The following PPARGC1B variants were observed in gnomAD, a reference collection of about 807,000 sequenced individuals.
The protein encoded by PPARGC1B is peroxisome proliferator-activated receptor gamma coactivator 1-beta.
A neutral mutation model predicts 101.6 loss-of-function variants in PPARGC1B; 34 were observed. That is an observed-to-expected ratio of 0.33 (90% CI 0.25 to 0.45). PPARGC1B has a LOEUF of 0.45. Among genes scored for constraint, PPARGC1B ranks in the 20% least tolerant of loss-of-function variants. The pLI is 1.00. For synonymous variants in PPARGC1B, 548 were observed against 539.3 expected, an observed-to-expected ratio of 1.02 and a Z score of -0.22; for missense variants, 1,234 against 1,317.6, an observed-to-expected ratio of 0.94 and a Z score of 0.98.
Position 149,820,531 on chromosome 5 carries a change from G to T in PPARGC1B, c.177G>T (p.Gly59=). The T allele has an allele frequency of 1.9e-6, 3 of 1,614,006 alleles. No individual in the cohort carries two copies. The highest frequency in any genetic ancestry group is 2.5e-6 in the Non-Finnish European group (3 of 1,180,010). The change falls in exon 2 of 12, where the codon GGG becomes GGT. Residue 59 remains glycine (G), a synonymous_variant. Coordinates refer to ENST00000309241, the MANE Select transcript of PPARGC1B (RefSeq NM_133263.4). ...ASDFDSATCF[G]ELQWCPENSE... is the part of the protein sequence containing the mutation. ...ACTTTGACTCGGCCACCTGCTTTGG[G>T]GAGCTGCAGTGGTGCCCAGAGAACT...
intron 3 of PPARGC1B, among the ~76,000 whole-genome samples, chr5:149,828,780 C>A (rs1441959952): frequency 6.6e-6 from 1 of 152,206 alleles, no homozygotes; most frequent in Non-Finnish European, 1.5e-5. Flanking sequence ...GGCACAGTGG[C>A]TTATACCTGT....
chr5:149,773,222 T>A (rs1756213403), intron 1 of PPARGC1B, among the ~76,000 whole-genome samples: 1 of 152,222 alleles, frequency 6.6e-6, no homozygotes, highest in Admixed American at 6.5e-5. Flanking sequence ...TGTGGTCGTG[T>A]CTTGTGCAGC....
chr5:149,745,230 A>G (rs2113100243), intron 1 of PPARGC1B, among the ~76,000 whole-genome samples: 1 of 152,252 alleles, frequency 6.6e-6, no homozygotes, highest in East Asian at 1.9e-4. Context: ...TGTGTGATCT[A>G]AGGAGTTAGA....
intron 1 of PPARGC1B, among the ~76,000 whole-genome samples, chr5:149,792,739 A>G (rs989782598): frequency 1.5e-5 from 2 of 132,920 alleles, no homozygotes; most frequent in African/African-American, 6.0e-5. Context: ...CCGTAGTTGT[A>G]TTCATTCATT....
At position 149,832,576 on chromosome 5, in the gene PPARGC1B, C is replaced by T; in HGVS notation, c.583-80C>T. On this transcript the variant is annotated intron_variant, in intron 4 of 11. Coordinates refer to ENST00000309241, the MANE Select transcript of PPARGC1B (RefSeq NM_133263.4). The surrounding 1 kb of genome is among the most constrained non-coding windows in gnomAD (Gnocchi z 4.9). ...ATGATCCAGGTGAGACACAATGGGC[C>T]AGCCAGTGACCATGCGGATGAGACA... The T allele has an allele frequency of 8.3e-7, 1 of 1,198,468 alleles. No homozygotes were observed. Among genetic ancestry groups the T allele is most frequent in the Non-Finnish European group, 1.2e-6 (1 of 858,870 alleles). 74.2% of individuals were successfully genotyped at this position (1,198,468 alleles called of 1,614,324 possible).
At chr5:149,739,117 C>G (rs985397919) in intron 1 of PPARGC1B, among the ~76,000 whole-genome samples, 2 of 152,206 alleles carry the variant, frequency 1.3e-5, no homozygotes, top group Non-Finnish European at 2.9e-5. Flanking sequence ...GTATTTTAAA[C>G]ATTTGACTAT....
In PPARGC1B at chr5:149,840,024, T is replaced by C. The variant is rs746620745; in HGVS notation, c.2619-17T>C. The C allele has an allele frequency of 5.6e-6, 9 of 1,613,858 alleles. No individual in the cohort carries two copies. In the Admixed American group the frequency reaches 8.3e-5, roughly 15 times the overall value. ...CTCCCGAGAGTGAGTGCCTCTGCTTTGCTTGTTCACTGACAGATGTGAGAG... is the reference window on the plus strand; with the variant it reads ...CTCCCGAGAGTGAGTGCCTCTGCTTCGCTTGTTCACTGACAGATGTGAGAG... On this transcript the variant is annotated splice_polypyrimidine_tract_variant and intron_variant, in intron 8 of 11. Coordinates refer to ENST00000309241, the MANE Select transcript of PPARGC1B (RefSeq NM_133263.4).
chr5:149,849,903 C>T lies in PPARGC1B; in HGVS notation c.*2345C>T, dbSNP rs749004760. ...TTCCCACAGCACAGACCTGATCATT[C>T]GGATTTCCTCTTTAGCTATTCACTG... On this transcript the variant is annotated 3_prime_UTR_variant, in exon 12 of 12. Coordinates refer to ENST00000309241, the MANE Select transcript of PPARGC1B (RefSeq NM_133263.4). 3 of 152,194 alleles carry T rather than the reference C, an allele frequency of 2.0e-5. No homozygotes were observed. Among genetic ancestry groups the T allele is most frequent in the Non-Finnish European group, 2.9e-5 (2 of 68,036 alleles). The allele number at this position is 152,194 out of a possible 1,614,324, so 9.4% of individuals were successfully genotyped here.
chr5:149,747,603 G>A (rs1431052333), intron 1 of PPARGC1B, among the ~76,000 whole-genome samples: 11 of 152,148 alleles, frequency 7.2e-5, no homozygotes, highest in Admixed American at 7.2e-4. Context: ...CCTTGGGGTT[G>A]GGCAACAGCT....
chr5:149,785,915 CTT>C (rs10622982), intron 1 of PPARGC1B, among the ~76,000 whole-genome samples: 6 of 140,388 alleles, frequency 4.3e-5, no homozygotes, highest in Admixed American at 7.1e-5. Context: ...GACACTCATT[CTT>C]TTTTTTTTTT....
chr5:149,795,409 GTCAAGGTCTTTT>G (rs1757172982), intron 1 of PPARGC1B, among the ~76,000 whole-genome samples: 1 of 152,202 alleles, frequency 6.6e-6, no homozygotes, highest in Admixed American at 6.5e-5. Context: ...CTAAGTGGCT[GTCAAGGTCTTTT>G]TCCACCTGGG....
At chr5:149,748,456 T>C (rs1253909643) in intron 1 of PPARGC1B, among the ~76,000 whole-genome samples, 2 of 152,006 alleles carry the variant, frequency 1.3e-5, no homozygotes, top group East Asian at 3.9e-4. Context: ...GATGGTTTGG[T>C]GACAGTTTAG....
intron 3 of PPARGC1B, among the ~76,000 whole-genome samples, chr5:149,830,030 C>CAAAAAAAAAAAAAAAAAAAAAAAAAAAA (rs60711433): frequency 5.8e-5 from 2 of 34,264 alleles, no homozygotes; most frequent in African/African-American, 8.8e-5. Flanking sequence ...GACTGCATCT[C>CAAAAAAAAAAAAAAAAAAAAAAAAAAAA]AAAAAAAAAA....
intron 1 of PPARGC1B, among the ~76,000 whole-genome samples, chr5:149,770,217 T>C (rs1162277608): frequency 2.0e-5 from 3 of 152,188 alleles, no homozygotes; most frequent in Non-Finnish European, 4.4e-5. Context: ...ATCTGGCCTC[T>C]TCAGGGGGAG....
rs775568384 is a variant in PPARGC1B at position 149,836,447 on chromosome 5, C to G, written c.1992C>G (p.Leu664=). 1.2e-6 allele frequency: 2 copies of G among 1,614,110 alleles called. No homozygotes were observed. Among genetic ancestry groups the G allele is most frequent in the South Asian group, 2.2e-5 (2 of 91,086 alleles). ...LPKKHPERSE[L]LSHLRHATAQ... is the part of the protein sequence containing the mutation. ...AGAAGCACCCAGAGCGAAGTGAGCT[C>G]CTGTCCCACCTGCGACATGCCACAG... Residue 664 remains leucine (L), a synonymous_variant, in exon 8 of 12, where the codon CTC becomes CTG. Coordinates refer to ENST00000309241, the MANE Select transcript of PPARGC1B (RefSeq NM_133263.4).
At chr5:149,787,622 G>A (rs1328360381) in intron 1 of PPARGC1B, among the ~76,000 whole-genome samples, 2 of 152,210 alleles carry the variant, frequency 1.3e-5, no homozygotes, top group Admixed American at 1.3e-4. Flanking sequence ...CTTAAGCAGT[G>A]TGTCTGCTGA....
chr5:149,845,847 C>G lies in PPARGC1B; in HGVS notation c.2904C>G (p.Asn968Lys), dbSNP rs376766880. ...LTKGAALRKRNEPSFQLSYGG... is the reference protein window; with the variant it reads ...LTKGAALRKRKEPSFQLSYGG... Reference sequence around the variant, plus strand: ...AGGGCGCTGCCCTGAGGAAGCGCAACGAGCCCTCCTTCCAGCTGAGCTACG... The same window carrying G: ...AGGGCGCTGCCCTGAGGAAGCGCAAGGAGCCCTCCTTCCAGCTGAGCTACG... The change falls in exon 11 of 12, where the codon AAC becomes AAG. Residue 968 changes from asparagine (N) to lysine (K), a missense_variant. By Grantham distance (94) the Asn-to-Lys change is moderately conservative. Transcript: ENST00000309241. The G allele has an allele frequency of 1.8e-5, 29 of 1,614,258 alleles. No homozygotes were observed. The highest frequency in any genetic ancestry group is 1.9e-5 in the Non-Finnish European group (23 of 1,180,040).
intron 1 of PPARGC1B, among the ~76,000 whole-genome samples, chr5:149,794,663 G>A (rs1452850450): frequency 6.6e-6 from 1 of 152,232 alleles, no homozygotes; most frequent in Non-Finnish European, 1.5e-5. Flanking sequence ...CAGGAGAAGG[G>A]TGGGCAAGGA....
chr5:149,830,030 C>CAAAAAAAAAAAAAAAA (rs60711433), intron 3 of PPARGC1B, among the ~76,000 whole-genome samples: 5 of 34,246 alleles, frequency 1.5e-4, no homozygotes, highest in African/African-American at 2.6e-4. Flanking sequence ...GACTGCATCT[C>CAAAAAAAAAAAAAAAA]AAAAAAAAAA....
Sources: gnomAD v4.1 joint callset for allele counts (sites outside exome capture counted in the v4.1 genomes callset) on GRCh38, gnomAD v4.1.1 for gene constraint, Gnocchi (gnomAD v3.1) non-coding constraint, MANE v1.5 for transcripts, NCBI Gene and HGNC (gene_info 2026-07-23, HGNC 2026-07-21) for gene names.